The following MARK2 variants were observed in gnomAD, a reference collection of about 807,000 sequenced individuals.
The protein encoded by MARK2 is serine/threonine-protein kinase MARK2.
In MARK2, 16 loss-of-function variants were observed where a neutral mutation model predicts 89.8. The observed-to-expected ratio is 0.18, with a 90% CI of 0.12 to 0.27. MARK2 has a LOEUF of 0.27. Ranked by LOEUF, MARK2 falls within the 10% of genes least tolerant of loss-of-function variation. MARK2 has a pLI of 1.00. For missense variants in MARK2, 621 were observed against 1,049.9 expected (o/e 0.59, Z 5.65); for synonymous variants, 382 against 399.5 (o/e 0.96, Z 0.52).
chr11:63,894,367 C>T (rs763847187), intron 1 of MARK2, among the ~76,000 whole-genome samples: 1 of 152,194 alleles, frequency 6.6e-6, no homozygotes, highest in Non-Finnish European at 1.5e-5. Flanking sequence ...CCATGCAGTC[C>T]TTCCATGCAG....
At chr11:63,872,246 C>G (rs1350158570) in intron 1 of MARK2, among the ~76,000 whole-genome samples, 5 of 152,218 alleles carry the variant, frequency 3.3e-5, no homozygotes, top group Non-Finnish European at 5.9e-5. Flanking sequence ...GTGGGAGGGC[C>G]TGTCATCTGT....
intron 1 of MARK2, among the ~76,000 whole-genome samples, chr11:63,840,467 G>T (rs1263561402): frequency 6.6e-6 from 1 of 152,130 alleles, no homozygotes; most frequent in Non-Finnish European, 1.5e-5. Flanking sequence ...TGGCCCCACC[G>T]TATTAACACA....
At chr11:63,847,092 C>T (rs1224694047) in intron 1 of MARK2, among the ~76,000 whole-genome samples, 1 of 152,210 alleles carries the variant, frequency 6.6e-6, no homozygotes, top group African/African-American at 2.4e-5. Context: ...CACTGCATTC[C>T]AGCCTGGGCA....
chr11:63,895,440 G>A, intron 2 of MARK2, 102 bp downstream of exon 2: 1 of 1,451,444 alleles, frequency 6.9e-7, no homozygotes, highest in Non-Finnish European at 9.7e-7. Flanking sequence ...TGTTTATCCG[G>A]CAGAAATGAG....
At chr11:63,886,529 G>C (rs997434259) in intron 1 of MARK2, among the ~76,000 whole-genome samples, 1 of 152,012 alleles carries the variant, frequency 6.6e-6, no homozygotes, top group African/African-American at 2.4e-5. Context: ...GGCTCAAGCA[G>C]TTCTCATGCC....
At chr11:63,858,930 C>T (rs931553711) in intron 1 of MARK2, among the ~76,000 whole-genome samples, 1 of 152,168 alleles carries the variant, frequency 6.6e-6, no homozygotes, top group African/African-American at 2.4e-5. Context: ...TTCTCAGTGA[C>T]CTGATGGACC....
intron 11 of MARK2, among the ~76,000 whole-genome samples, chr11:63,901,411 G>A (rs1332811499): frequency 6.8e-6 from 1 of 147,906 alleles, no homozygotes; most frequent in Non-Finnish European, 1.5e-5. Flanking sequence ...ATCTGGAAGT[G>A]TACATTTCTG....
chr11:63,846,160 C>T (rs1199305199), intron 1 of MARK2, among the ~76,000 whole-genome samples: 1 of 152,096 alleles, frequency 6.6e-6, no homozygotes, highest in Non-Finnish European at 1.5e-5. Flanking sequence ...GACATCTCCT[C>T]CTCTGATAAG....
chr11:63,876,723 C>T (rs1356015925), intron 1 of MARK2, among the ~76,000 whole-genome samples: 1 of 151,606 alleles, frequency 6.6e-6, no homozygotes, highest in Admixed American at 6.6e-5. Flanking sequence ...CTTTTCTTCC[C>T]TGCCATCTCT....
intron 1 of MARK2, among the ~76,000 whole-genome samples, chr11:63,873,002 G>C (rs140166605): frequency 6.7e-6 from 1 of 149,892 alleles, no homozygotes; most frequent in South Asian, 2.1e-4. Context: ...AGGAGATTCC[G>C]GGGCGCATGA....
chr11:63,858,471 A>G (rs1055223019), intron 1 of MARK2, among the ~76,000 whole-genome samples: 2 of 152,026 alleles, frequency 1.3e-5, no homozygotes, highest in African/African-American at 4.8e-5. Flanking sequence ...CTCCTGCCTC[A>G]GCCTCTTGAG....
intron 1 of MARK2, among the ~76,000 whole-genome samples, chr11:63,880,810 A>G (rs1939042221): frequency 6.6e-6 from 1 of 151,988 alleles, no homozygotes; most frequent in Non-Finnish European, 1.5e-5. Context: ...TTCATCCATC[A>G]CTGGGATAGG....
intron 1 of MARK2, chr11:63,868,611 C>T (rs765846665): frequency 2.0e-5 from 7 of 353,612 alleles, no homozygotes; most frequent in East Asian, 7.4e-5. Flanking sequence ...CTGAGGAAAT[C>T]GTCTGGCTTC....
At chr11:63,841,278 A>G (rs1024714363) in intron 1 of MARK2, among the ~76,000 whole-genome samples, 1 of 152,190 alleles carries the variant, frequency 6.6e-6, no homozygotes, top group African/African-American at 2.4e-5. Flanking sequence ...TCACCTGGGC[A>G]GTTAGGAACT....
chr11:63,897,912 G>C (rs537315162), intron 3 of MARK2, among the ~76,000 whole-genome samples: 135 of 152,212 alleles, frequency 8.9e-4, no homozygotes, highest in African/African-American at 2.8e-3. Flanking sequence ...TCACGCACAC[G>C]GGCTCACACT....
In MARK2 at chr11:63,900,074, C is replaced by T; in HGVS notation, c.732C>T (p.Val244=). The T allele has an allele frequency of 6.2e-7, 1 of 1,614,002 alleles. No homozygotes were observed. Among genetic ancestry groups the T allele is most frequent in the Non-Finnish European group, 8.5e-7 (1 of 1,179,892 alleles). Residue 244 remains valine (V), a synonymous_variant, in exon 8 of 19, where the codon GTC becomes GTT. Transcript: ENST00000402010. The surrounding 1 kb of genome is among the most constrained non-coding windows in gnomAD (Gnocchi z 4.7). The part of the protein sequence containing the change: ...WSLGVILYTL[V]SGSLPFDGQN... ...TAGGAGTTATCCTCTATACACTGGTCAGCGGATCCCTGCCTTTTGATGGAC... is the reference window on the plus strand; with the variant it reads ...TAGGAGTTATCCTCTATACACTGGTTAGCGGATCCCTGCCTTTTGATGGAC...
In MARK2 at chr11:63,905,963, T is replaced by TC. The variant is rs1252792216; in HGVS notation, c.1935-123dup. 7 of 712,610 alleles carry TC rather than the reference T, an allele frequency of 9.8e-6. No individual in the cohort carries two copies. The Admixed American group carries it at 2.9e-4, about 29-fold the overall frequency. 44.1% of individuals were successfully genotyped at this position (712,610 alleles called of 1,614,324 possible). A position where few individuals can be genotyped will look rare whatever the true frequency, so the allele number is the denominator to read the frequency against. On this transcript the variant is annotated intron_variant, in intron 16 of 18. Coordinates refer to ENST00000402010, the MANE Select transcript of MARK2 (RefSeq NM_001039469.3). Reference sequence around the variant, plus strand: ...GACTCTAGTCTCGCTGAGCGGCTCTTCCGAAAATGGGATGACCCTTGAACC... The same window carrying TC: ...GACTCTAGTCTCGCTGAGCGGCTCTTCCCGAAAATGGGATGACCCTTGAACC...
At chr11:63,856,791 T>TG (rs2016883115) in intron 1 of MARK2, among the ~76,000 whole-genome samples, 4 of 89,454 alleles carry the variant, frequency 4.5e-5, no homozygotes, top group Non-Finnish European at 8.7e-5. Context: ...TTTTTTTTTT[T>TG]TTTTTTTTTT....
chr11:63,869,812 C>T (rs1241575832), intron 1 of MARK2, among the ~76,000 whole-genome samples: 6 of 152,164 alleles, frequency 3.9e-5, no homozygotes, highest in Non-Finnish European at 4.4e-5. Context: ...GGTCAGGAAG[C>T]GATCTTCAGG....
Sources: allele counts gnomAD v4.1 joint callset (sites outside exome capture counted in the v4.1 genomes callset), GRCh38; gene constraint gnomAD v4.1.1; non-coding constraint Gnocchi (gnomAD v3.1); transcripts MANE v1.5; gene names NCBI Gene and HGNC (gene_info 2026-07-23, HGNC 2026-07-21).